Variants in CPSF4L observed in about 807,000 individuals in gnomAD.
The protein encoded by CPSF4L is cleavage and polyadenylation specific factor 4 like, also known as putative cleavage and polyadenylation specificity factor subunit 4-like protein.
Under a neutral mutation model 24.0 loss-of-function variants are expected in CPSF4L, and 18 were observed. That is an observed-to-expected ratio of 0.75 (90% CI 0.52 to 1.11). The LOEUF (loss-of-function observed/expected upper bound fraction) is 1.11, where lower values mean the gene tolerates loss of function less well. Among genes scored for constraint, CPSF4L ranks in the 50% least tolerant of loss-of-function variants. The pLI is 0.00. For synonymous variants in CPSF4L, 72 were observed against 77.2 expected (o/e 0.93, Z 0.35); for missense variants, 211 against 221.8 (o/e 0.95, Z 0.31).
At chr17:73,257,333 G>T (rs1005336194) in intron 3 of CPSF4L, among the ~76,000 whole-genome samples, 2 of 152,054 alleles carry the variant, frequency 1.3e-5, no homozygotes, top group East Asian at 1.9e-4. Flanking sequence ...CCTGATATTC[G>T]AGAAGTTCTA....
At chr17:73,251,150 T>C in intron 5 of CPSF4L, 1 of 1,483,214 alleles carries the variant, frequency 6.7e-7, no homozygotes, top group East Asian at 2.5e-5. Flanking sequence ...AGATAGTCCC[T>C]GTGTGCAGAC....
intron 2 of CPSF4L, among the ~76,000 whole-genome samples, chr17:73,259,434 G>T (rs1182525249): frequency 6.6e-6 from 1 of 152,108 alleles, no homozygotes; most frequent in Non-Finnish European, 1.5e-5. Context: ...TCCAGCCTCT[G>T]CCTCTCAAAG....
At chr17:73,243,364 G>A in the CPSF4L span, among the ~76,000 whole-genome samples, 1 of 151,916 alleles carries the variant, frequency 6.6e-6, no homozygotes, top group Admixed American at 6.6e-5. Context: ...ATGTGGGTCA[G>A]GCTGGTCTCG....
chr17:73,251,516 T>G (rs2145275022), intron 5 of CPSF4L, among the ~76,000 whole-genome samples: 1 of 152,258 alleles, frequency 6.6e-6, no homozygotes, highest in South Asian at 2.1e-4. Flanking sequence ...GTCAGCAAGC[T>G]TTTTCTATAG....
At chr17:73,242,482 T>C in the CPSF4L span, 3 of 597,942 alleles carry the variant, frequency 5.0e-6, no homozygotes, top group Non-Finnish European at 8.6e-6. Context: ...CTTCCTAGTT[T>C]TCCATTTGTC....
At chr17:73,261,326 C>A (rs765244622) in intron 1 of CPSF4L, among the ~76,000 whole-genome samples, 1 of 152,214 alleles carries the variant, frequency 6.6e-6, no homozygotes, top group African/African-American at 2.4e-5. Flanking sequence ...AGAGAAGGGG[C>A]GGTCGCATCA....
At chr17:73,249,367 A>G (rs908445677) in intron 5 of CPSF4L, among the ~76,000 whole-genome samples, 2 of 152,102 alleles carry the variant, frequency 1.3e-5, no homozygotes, top group African/African-American at 4.8e-5. Context: ...CGTAGGTGCT[A>G]TCCTGCTCAT....
At chr17:73,254,991 C>T (rs143251324) in intron 3 of CPSF4L, among the ~76,000 whole-genome samples, 2 of 152,288 alleles carry the variant, frequency 1.3e-5, no homozygotes, top group East Asian at 3.9e-4. Context: ...GAAGAAAGCT[C>T]TGAAGGAAGC....
downstream of CPSF4L, among the ~76,000 whole-genome samples, chr17:73,244,060 CAA>C (rs2061900807): frequency 6.6e-6 from 1 of 152,216 alleles, no homozygotes; most frequent in African/African-American, 2.4e-5. Context: ...ACTTAAAAAA[CAA>C]AGTGCCATTC....
chr17:73,260,854 G>A, intron 2 of CPSF4L, 79 bp downstream of exon 2: 1 of 1,228,216 alleles, frequency 8.1e-7, no homozygotes, highest in South Asian at 1.4e-5. Flanking sequence ...TCCCAGGCCA[G>A]GCAGAGCCCC....
Position 73,257,661 on chromosome 17 carries a change from G to C in CPSF4L, c.307+20C>G, listed in dbSNP as rs374726001. 1.3e-6 allele frequency: 2 copies of C among 1,550,702 alleles called. No homozygotes were observed. The highest frequency in any genetic ancestry group is 1.4e-5 in the African/African-American group (1 of 72,936). On this transcript the variant is annotated intron_variant, in intron 3 of 5. Transcript: ENST00000344935. ...CTGCCACCCTCCAGGGTGAGGCACCGAGCCAGGAAGAGGCCTTACCAAACT... is the reference window on the plus strand; with the variant it reads ...CTGCCACCCTCCAGGGTGAGGCACCCAGCCAGGAAGAGGCCTTACCAAACT...
At chr17:73,248,678 C>T (rs1161299027) in intron 5 of CPSF4L, 142 bp from the exon 6 acceptor site, 11 of 857,458 alleles carry the variant, frequency 1.3e-5, no homozygotes, top group Non-Finnish European at 2.0e-5. Context: ...TCTGTTACTA[C>T]AAGTTGGGAA....
At chr17:73,248,617 C>CA in intron 5 of CPSF4L, 81 bp from the exon 6 acceptor site, 1 of 1,353,632 alleles carries the variant, frequency 7.4e-7, no homozygotes, top group Non-Finnish European at 1.0e-6. Context: ...GCAGAAGAGG[C>CA]ATGGTGACAC....
At chr17:73,259,888 G>A (rs1004632528) in intron 2 of CPSF4L, among the ~76,000 whole-genome samples, 1 of 152,218 alleles carries the variant, frequency 6.6e-6, no homozygotes, top group Non-Finnish European at 1.5e-5. Flanking sequence ...ATAGGCAAGC[G>A]GGAGGAAGAC....
chr17:73,261,832 C>T lies in CPSF4L; in HGVS notation c.-14G>A, dbSNP rs2062047960. 1.9e-6 allele frequency: 3 copies of T among 1,547,834 alleles called. No homozygotes were observed. The South Asian group carries it at 3.6e-5, about 18-fold the overall frequency. On this transcript the variant is annotated 5_prime_UTR_variant, in exon 1 of 6. Coordinates refer to ENST00000344935, the MANE Select transcript of CPSF4L (RefSeq NM_001129885.1). ...GACCTCTTGCATCTTCCGTCTCCTG[C>T]TGGGGCTGCGGAAGCTGCTGGAACC...
At chr17:73,259,110 G>A (rs950544017) in intron 2 of CPSF4L, among the ~76,000 whole-genome samples, 1 of 151,608 alleles carries the variant, frequency 6.6e-6, no homozygotes, top group African/African-American at 2.4e-5. Flanking sequence ...GCAAAGTCAT[G>A]GCTTACTGTA....
chr17:73,260,350 C>G (rs1360282664), intron 2 of CPSF4L, among the ~76,000 whole-genome samples: 1 of 152,158 alleles, frequency 6.6e-6, no homozygotes, highest in African/African-American at 2.4e-5. Context: ...TTCCAGGCAG[C>G]CTGGTTACCC....
At chr17:73,247,254 A>AC, downstream of CPSF4L, 1 of 1,614,098 alleles carries the variant, frequency 6.2e-7, no homozygotes, top group Non-Finnish European at 8.5e-7. Flanking sequence ...AATTGTGCCG[A>AC]CCCCTGCCCT....
intron 2 of CPSF4L, 119 bp from the exon 3 acceptor site, chr17:73,257,952 T>G: frequency 2.0e-6 from 2 of 1,000,310 alleles, no homozygotes; most frequent in Non-Finnish European, 2.9e-6. Flanking sequence ...TGTCCCCTTA[T>G]CCCTTCACCT....
Sources: allele counts gnomAD v4.1 joint callset (sites outside exome capture counted in the v4.1 genomes callset), GRCh38; gene constraint gnomAD v4.1.1; transcripts MANE v1.5; gene names NCBI Gene and HGNC (gene_info 2026-07-23, HGNC 2026-07-21).